Variants in BANK1 observed in about 807,000 individuals in gnomAD.
The protein encoded by BANK1 is B cell scaffold protein with ankyrin repeats 1.
Under a neutral mutation model 94.5 loss-of-function variants are expected in BANK1, and 95 were observed. The observed-to-expected ratio is 1.00, with a 90% CI of 0.85 to 1.19. The LOEUF (loss-of-function observed/expected upper bound fraction) is 1.19, where lower values mean the gene tolerates loss of function less well. Ranked by LOEUF, BANK1 falls within the 50% of genes most tolerant of loss-of-function variation. The pLI, the probability that BANK1 is intolerant of heterozygous loss-of-function variation, is 0.00. For missense variants in BANK1, 987 were observed against 932.2 expected (o/e 1.06, Z -0.77); for synonymous variants, 334 against 308.4 (o/e 1.08, Z -0.87).
chr4:102,057,679 A>G (rs1241208246), intron 11 of BANK1, among the ~76,000 whole-genome samples: 4 of 152,140 alleles, frequency 2.6e-5, no homozygotes, highest in Non-Finnish European at 4.4e-5. Flanking sequence ...AAGTGCCATA[A>G]ACTAATTTGG....
At chr4:101,803,072 T>C (rs375459973) in intron 1 of BANK1, among the ~76,000 whole-genome samples, 2 of 152,218 alleles carry the variant, frequency 1.3e-5, no homozygotes, top group East Asian at 3.8e-4. Context: ...CTCTAAGACA[T>C]TGTTTCACAA....
chr4:102,044,406 C>T (rs1368872665), intron 11 of BANK1, among the ~76,000 whole-genome samples: 1 of 152,090 alleles, frequency 6.6e-6, no homozygotes, highest in Admixed American at 6.5e-5. Flanking sequence ...GTGTATGTGC[C>T]ACATTTTCTT....
intron 7 of BANK1, among the ~76,000 whole-genome samples, chr4:101,933,030 C>T (rs1723410246): frequency 6.6e-6 from 1 of 151,452 alleles, no homozygotes; most frequent in African/African-American, 2.4e-5. Context: ...AAAATGTACA[C>T]TGAAAAATAT....
chr4:101,941,476 T>A (rs1170320083), intron 7 of BANK1, among the ~76,000 whole-genome samples: 1 of 151,834 alleles, frequency 6.6e-6, no homozygotes, highest in Admixed American at 6.6e-5. Context: ...TCAGGCTTAC[T>A]GGGATTTCCT....
At chr4:101,827,920 C>T (rs1468225193) in intron 1 of BANK1, among the ~76,000 whole-genome samples, 2 of 151,778 alleles carry the variant, frequency 1.3e-5, no homozygotes, top group African/African-American at 4.8e-5. Context: ...TAGCTATTAT[C>T]TATTGTCTTC....
intron 1 of BANK1, among the ~76,000 whole-genome samples, chr4:101,814,136 A>C (rs1725816230): frequency 6.6e-6 from 1 of 152,198 alleles, no homozygotes; most frequent in African/African-American, 2.4e-5. Flanking sequence ...CACTGTACAC[A>C]AATACTTGCC....
intron 7 of BANK1, among the ~76,000 whole-genome samples, chr4:102,017,183 G>A (rs1440575426): frequency 6.6e-6 from 1 of 152,144 alleles, no homozygotes; most frequent in African/African-American, 2.4e-5. Flanking sequence ...AACGAAGGTA[G>A]TTATCTTTTA....
At chr4:101,969,665 G>A (rs1004927774) in intron 7 of BANK1, among the ~76,000 whole-genome samples, 1 of 151,984 alleles carries the variant, frequency 6.6e-6, no homozygotes, top group Non-Finnish European at 1.5e-5. Context: ...CTGTCCAAAT[G>A]TATTTGGGAT....
At chr4:101,793,844 A>G (rs1488764036) in intron 1 of BANK1, among the ~76,000 whole-genome samples, 2 of 152,186 alleles carry the variant, frequency 1.3e-5, no homozygotes, top group South Asian at 2.1e-4. Context: ...GCTAGTTGTT[A>G]TATTAATTCT....
At chr4:102,065,229 T>C (rs1000281070) in intron 13 of BANK1, among the ~76,000 whole-genome samples, 1 of 152,082 alleles carries the variant, frequency 6.6e-6, no homozygotes, top group Non-Finnish European at 1.5e-5. Context: ...AGAACTATGA[T>C]TTAGAGTAAG....
In BANK1 at chr4:101,936,197, T is replaced by TA. The variant is rs1560640920; in HGVS notation, c.1206+18008_1206+18009insA. On this transcript the variant is annotated intron_variant, in intron 7 of 16. Coordinates refer to ENST00000322953, the MANE Select transcript of BANK1 (RefSeq NM_017935.5). ...AAAAAAATATATATGATATATATAT[T>TA]TTTTATATATCATATATGTACATGT... Among the ~76,000 whole-genome samples the TA allele has an allele frequency of 8.3e-4, 99 of 119,756 alleles. 3 individuals are homozygous for TA. The East Asian group carries it at 0.021, about 26-fold the overall frequency. The allele number at this position is 119,756 out of a possible 152,430, so 78.6% of individuals were successfully genotyped here. A position where few individuals can be genotyped will look rare whatever the true frequency, so the allele number is the denominator to read the frequency against.
rs911235706 is a variant in BANK1 at position 102,028,704 on chromosome 4, G to C, written c.1595-1256G>C. 3.9e-5 allele frequency among the ~76,000 whole-genome samples: 6 copies of C among 152,034 alleles called. No individual in the cohort carries two copies. In the South Asian group the frequency reaches 8.3e-4, roughly 21 times the overall value. ...TTGTTAATCAAAGCATATTATATCT[G>C]TTATTAATAACTGCTACAAAAATAT... On this transcript the variant is annotated intron_variant, in intron 9 of 16. Coordinates refer to ENST00000322953, the MANE Select transcript of BANK1 (RefSeq NM_017935.5).
In BANK1 at chr4:101,839,937, A is replaced by ATTTTTTTTTTTTTTTTTTTTTTTTT. The variant is rs70964197; in HGVS notation, c.469+9756_469+9780dup. ...GCTACTATATAATTTCAAATATTTAATTTTTTTTTTTTTTTTTTTTTTTTT... is the reference window on the plus strand; with the variant it reads ...GCTACTATATAATTTCAAATATTTAATTTTTTTTTTTTTTTTTTTTTTTTTTTTTTTTTTTTTTTTTTTTTTTTTT... On this transcript the variant is annotated intron_variant, in intron 2 of 16. Transcript: ENST00000322953. Among the ~76,000 whole-genome samples the ATTTTTTTTTTTTTTTTTTTTTTTTT allele has an allele frequency of 3.8e-5, 2 of 53,036 alleles. 1 individual carries two copies. Among genetic ancestry groups the ATTTTTTTTTTTTTTTTTTTTTTTTT allele is most frequent in the Non-Finnish European group, 7.3e-5 (2 of 27,278 alleles). The allele number at this position is 53,036 out of a possible 152,430, so 34.8% of individuals were successfully genotyped here.
At chr4:102,015,627 T>C (rs987502889) in intron 7 of BANK1, among the ~76,000 whole-genome samples, 5 of 152,166 alleles carry the variant, frequency 3.3e-5, no homozygotes. Context: ...GAAAAGACGG[T>C]TGTAAACAAT....
intron 7 of BANK1, among the ~76,000 whole-genome samples, chr4:101,924,834 T>C (rs186295864): frequency 7.8e-4 from 118 of 151,922 alleles, no homozygotes; most frequent in African/African-American, 2.7e-3. Flanking sequence ...ACTCAGGTTT[T>C]TTATATCAGA....
intron 7 of BANK1, among the ~76,000 whole-genome samples, chr4:101,992,177 G>T (rs2148932421): frequency 6.6e-6 from 1 of 152,198 alleles, no homozygotes; most frequent in East Asian, 1.9e-4. Context: ...TTTTCTTACT[G>T]AACCATGTTG....
chr4:101,834,695 C>T (rs1271501237), intron 2 of BANK1, among the ~76,000 whole-genome samples: 1 of 152,062 alleles, frequency 6.6e-6, no homozygotes, highest in East Asian at 1.9e-4. Flanking sequence ...ATTTTACTGT[C>T]CCTTTTCTAT....
rs989858460 is a variant in BANK1 at position 102,057,823 on chromosome 4, T to G, written c.1970-2388T>G. 2.6e-5 allele frequency among the ~76,000 whole-genome samples: 4 copies of G among 152,266 alleles called. No individual in the cohort carries two copies. In the East Asian group the frequency reaches 5.8e-4, roughly 22 times the overall value. On this transcript the variant is annotated intron_variant, in intron 11 of 16. Coordinates refer to ENST00000322953, the MANE Select transcript of BANK1 (RefSeq NM_017935.5). ...AGCCTAATTATAAAGTGGCAGAAAT[T>G]TTTTATATTGTAAAAGCAATATAGT...
rs144687625 is a variant in BANK1, at chr4:101,798,371, G to A, written c.70+7421G>A. On this transcript the variant is annotated intron_variant, in intron 1 of 16. Coordinates refer to ENST00000322953, the MANE Select transcript of BANK1 (RefSeq NM_017935.5). ...AGCAATTTAATTGTTCTCAAAAGCC[G>A]ATGGCGTCACACCAAAGGGGGGTTT... 5.5e-4 allele frequency among the ~76,000 whole-genome samples: 83 copies of A among 152,272 alleles called. No individual in the cohort carries two copies. The East Asian group carries it at 0.014, about 27-fold the overall frequency.
Sources: allele counts gnomAD v4.1 joint callset (sites outside exome capture counted in the v4.1 genomes callset), GRCh38; gene constraint gnomAD v4.1.1; transcripts MANE v1.5; gene names NCBI Gene and HGNC (gene_info 2026-07-23, HGNC 2026-07-21).